The following SUPT7L variants were observed in gnomAD, a reference collection of about 807,000 sequenced individuals.
SUPT7L encodes the protein SPT7 like, STAGA complex subunit gamma.
A neutral mutation model predicts 35.7 loss-of-function variants in SUPT7L; 15 were observed. The ratio of observed to expected loss-of-function variants is 0.42; its 90% CI spans 0.28 to 0.65. SUPT7L has a LOEUF of 0.65. Ranked by LOEUF, SUPT7L falls within the 30% of genes least tolerant of loss-of-function variation. The pLI, the probability that SUPT7L is intolerant of heterozygous loss-of-function variation, is 0.23. For missense variants in SUPT7L, 434 were observed against 522.2 expected (o/e 0.83, Z 1.65); for synonymous variants, 168 against 186.2 (o/e 0.90, Z 0.79).
Position 27,660,994 on chromosome 2 carries a change from C to A in SUPT7L, c.409G>T (p.Asp137Tyr). 3 of 1,612,734 alleles carry A rather than the reference C, an allele frequency of 1.9e-6. No individual in the cohort carries two copies. The highest frequency in any genetic ancestry group is 2.2e-5 in the South Asian group (2 of 90,984). ...AAAGCCTTGCCTTACCGATAAAAGTCACTCTCTGGGTCACTGTGCCGGATC... is the reference window on the plus strand; with the variant it reads ...AAAGCCTTGCCTTACCGATAAAAGTAACTCTCTGGGTCACTGTGCCGGATC... ...FQIRHSDPES[D>Y]FYRGKGEPVT... Residue 137 changes from aspartate (D) to tyrosine (Y), a missense_variant, in exon 3 of 6, where the codon GAC becomes TAC. Physicochemically the swap from Asp to Tyr is radical, Grantham distance 160. Around this residue, in one of 3 missense-constraint regions of SUPT7L, gnomAD observed 198 missense variants for 190.8 expected, o/e 1.04. Coordinates refer to ENST00000337768, the MANE Select transcript of SUPT7L (RefSeq NM_014860.3).
At chr2:27,650,758 C>A (rs1178158840), downstream of SUPT7L, 1 of 152,716 alleles carries the variant, frequency 6.5e-6, no homozygotes, top group Non-Finnish European at 1.5e-5. Flanking sequence ...TATAGGACGT[C>A]AGGTTTGTTG....
In SUPT7L at chr2:27,653,565, C is replaced by G; in HGVS notation, c.1165G>C (p.Gly389Arg). The change falls in exon 6 of 6, where the codon GGT becomes CGT. Residue 389 changes from glycine (G) to arginine (R), a missense_variant. Physicochemically the swap from Gly to Arg is moderately radical, Grantham distance 125 (BLOSUM62 -2). Coordinates refer to ENST00000337768, the MANE Select transcript of SUPT7L (RefSeq NM_014860.3). The stretch of plus-strand genomic sequence containing the variant: ...ATGAGGCTGTCAGTGGAGTGGGAAC[C>G]ATAGCTGCTATCTGAGTCATCAGGG... Reference protein sequence around the residue: ...QSPDDSDSSYGSHSTDSLMGS... With the variant: ...QSPDDSDSSYRSHSTDSLMGS... The G allele has an allele frequency of 1.2e-6, 2 of 1,614,152 alleles. No homozygotes were observed. The highest frequency in any genetic ancestry group is 1.7e-6 in the Non-Finnish European group (2 of 1,180,036).
At chr2:27,644,179 A>G in the SUPT7L span, among the ~76,000 whole-genome samples, 1 of 152,164 alleles carries the variant, frequency 6.6e-6, no homozygotes, top group Non-Finnish European at 1.5e-5. Context: ...CCTCCATCTT[A>G]AAAACAACAA....
chr2:27,662,331 G>T (rs1320122498), intron 1 of SUPT7L, 50 bp from the exon 2 acceptor site: 2 of 971,718 alleles, frequency 2.1e-6, no homozygotes. Flanking sequence ...ATGAAACATG[G>T]TAAGTACTGT....
chr2:27,650,274 C>T, downstream of SUPT7L: 1 of 813,898 alleles, frequency 1.2e-6, no homozygotes, highest in East Asian at 2.5e-5. Context: ...CTGTTCTTAC[C>T]TCTGAACTGG....
chr2:27,657,506 TG>T lies in SUPT7L; in HGVS notation c.582del (p.Lys195SerfsTer21). 1 of 1,614,216 alleles carries T rather than the reference TG, an allele frequency of 6.2e-7. No individual in the cohort carries two copies. Among genetic ancestry groups the T allele is most frequent in the Non-Finnish European group, 8.5e-7 (1 of 1,180,032 alleles). On this transcript the variant is annotated frameshift_variant, in exon 4 of 6. Transcript: ENST00000337768. LOFTEE classifies it high-confidence loss of function. This position sits in a 1 kb window ranked among gnomAD's most constrained non-coding sequence, Gnocchi z 5.2. ...CGGTCCACAGCAAAACGCAGCAACT[TG>T]GTAAACTTAAGGCAATACTCATGTG... ...DVAHEYCLKF[T>X]KLLRFAVDRE... is the part of the protein sequence containing the mutation.
rs940727138 is a variant in SUPT7L, at chr2:27,657,735, C to T, written c.420-66G>A. On this transcript the variant is annotated intron_variant, in intron 3 of 5. Coordinates refer to ENST00000337768, the MANE Select transcript of SUPT7L (RefSeq NM_014860.3). The surrounding 1 kb of genome is among the most constrained non-coding windows in gnomAD (Gnocchi z 5.2). ...AAGGGGTGACCCCTCCTGTCTTCCCCAGGAGTTTTACAATTCCAGTCAAGC... is the reference window on the plus strand; with the variant it reads ...AAGGGGTGACCCCTCCTGTCTTCCCTAGGAGTTTTACAATTCCAGTCAAGC... 4 of 1,453,686 alleles carry T rather than the reference C, an allele frequency of 2.8e-6. No individual in the cohort carries two copies. In the African/African-American group the frequency reaches 5.7e-5, roughly 21 times the overall value. 90.0% of individuals were successfully genotyped at this position (1,453,686 alleles called of 1,614,324 possible). A position where few individuals can be genotyped will look rare whatever the true frequency, so the allele number is the denominator to read the frequency against.
downstream of SUPT7L, chr2:27,647,878 C>T (rs372179324): frequency 2.9e-5 from 47 of 1,613,570 alleles, no homozygotes; most frequent in African/African-American, 5.3e-5. Flanking sequence ...TTGATCCTGA[C>T]TCGAGGAACC....
chr2:27,661,170 T>C lies in SUPT7L; in HGVS notation c.233A>G (p.Asn78Ser). The change falls in exon 3 of 6, where the codon AAC (asparagine) becomes AGC (serine). Residue 78 changes from asparagine to serine, a missense_variant. Asn to Ser is a conservative substitution (Grantham distance 46). Transcript: ENST00000337768. The part of the protein sequence containing the change: ...QLIQHNRRLR[N>S]LIATAQAQNQ... The stretch of plus-strand genomic sequence containing the variant: ...CTGGGCCTGAGCTGTGGCAATAAGG[T>C]TGCGAAGACGTCGGTTGTGCTGAAT... 3.7e-6 allele frequency: 6 copies of C among 1,614,176 alleles called. No homozygotes were observed. Among genetic ancestry groups the C allele is most frequent in the South Asian group, 1.1e-5 (1 of 91,076 alleles).
chr2:27,653,023 A>T lies in SUPT7L; in HGVS notation c.*462T>A, dbSNP rs1299117475. ...AGGTATTAGTAATGGGTTCCCAATG[A>T]CCTGAGCCAAAAATGAATCAAGTTA... On this transcript the variant is annotated 3_prime_UTR_variant, in exon 6 of 6. Coordinates refer to ENST00000337768, the MANE Select transcript of SUPT7L (RefSeq NM_014860.3). The T allele has an allele frequency of 6.1e-6, 1 of 164,802 alleles. No individual in the cohort carries two copies. The highest frequency in any genetic ancestry group is 2.4e-5 in the African/African-American group (1 of 41,568). 10.2% of individuals were successfully genotyped at this position (164,802 alleles called of 1,614,324 possible).
Position 27,662,266 on chromosome 2 carries a change from A to G in SUPT7L, c.-74T>C. The G allele has an allele frequency of 6.7e-7, 1 of 1,501,108 alleles. No homozygotes were observed. The highest frequency in any genetic ancestry group is 9.3e-7 in the Non-Finnish European group (1 of 1,077,276). The allele number at this position is 1,501,108 out of a possible 1,614,324, so 93.0% of individuals were successfully genotyped here. ...ATTCTGTGTCGGTCAAAGACTGATA[A>G]TGTGAGATCCTTGCCCTGAAGTGAG... On this transcript the variant is annotated 5_prime_UTR_variant, in exon 2 of 6. Transcript: ENST00000337768.
chr2:27,647,988 A>T, downstream of SUPT7L: 1 of 1,043,654 alleles, frequency 9.6e-7, no homozygotes, highest in Non-Finnish European at 1.5e-6. Context: ...GCATCTGCTT[A>T]TCCTCACATT....
chr2:27,659,129 A>G (rs1674935746), intron 3 of SUPT7L, among the ~76,000 whole-genome samples: 1 of 152,176 alleles, frequency 6.6e-6, no homozygotes. Context: ...AAGTTTTTTG[A>G]GTTGGGCGTG....
At chr2:27,655,747 G>A (rs2148112745) in intron 4 of SUPT7L, 145 bp from the exon 5 acceptor site, 3 of 754,182 alleles carry the variant, frequency 4.0e-6, no homozygotes, top group Non-Finnish European at 6.4e-6. Context: ...TTTGTTTAAG[G>A]TGCTGAGTTT....
rs1009785534 is a variant in SUPT7L, at chr2:27,653,616, T to C, written c.1114A>G (p.Met372Val). 68 of 1,614,092 alleles carry C rather than the reference T, an allele frequency of 4.2e-5. No homozygotes were observed. Among genetic ancestry groups the C allele is most frequent in the Non-Finnish European group, 5.3e-5 (62 of 1,180,056 alleles). Reference sequence around the variant, plus strand: ...CTCTGAGGAATCCCAGCTTCACTCATGCCTGACATAGGCTCCTCGAAGACA... The same window carrying C: ...CTCTGAGGAATCCCAGCTTCACTCACGCCTGACATAGGCTCCTCGAAGACA... ...SDVFEEPMSG[M>V]SEAGIPQSPD... Residue 372 changes from methionine (M) to valine (V), a missense_variant, in exon 6 of 6, where the codon ATG becomes GTG. Coordinates refer to ENST00000337768, the MANE Select transcript of SUPT7L (RefSeq NM_014860.3).
intron 4 of SUPT7L, 114 bp from the exon 5 acceptor site, chr2:27,655,716 A>G: frequency 1.1e-6 from 1 of 884,014 alleles, no homozygotes; most frequent in South Asian, 1.7e-5. Flanking sequence ...ATTTTAAAAC[A>G]TTCACTGCCA....
chr2:27,643,336 A>G, the SUPT7L span, among the ~76,000 whole-genome samples: 9 of 151,846 alleles, frequency 5.9e-5, no homozygotes, highest in African/African-American at 2.2e-4. The surrounding 1 kb of genome is among the most constrained non-coding windows in gnomAD (Gnocchi z 4.0). Context: ...TTATCTATAT[A>G]TGACTTTATA....
chr2:27,651,508 AG>A lies in SUPT7L; in HGVS notation c.*1976del, dbSNP rs1228177756. On this transcript the variant is annotated 3_prime_UTR_variant, in exon 6 of 6. Coordinates refer to ENST00000337768, the MANE Select transcript of SUPT7L (RefSeq NM_014860.3). Reference sequence around the variant, plus strand: ...CAGCAATAAAAGTGTTTTATTATAAAGTATTAATTTTAATGTTCTATACTTA... The same window carrying A: ...CAGCAATAAAAGTGTTTTATTATAAATATTAATTTTAATGTTCTATACTTA... 1.3e-5 allele frequency: 2 copies of A among 152,334 alleles called. No homozygotes were observed. The highest frequency in any genetic ancestry group is 2.9e-5 in the Non-Finnish European group (2 of 68,050). The allele number at this position is 152,334 out of a possible 1,614,324, so 9.4% of individuals were successfully genotyped here. A position where few individuals can be genotyped will look rare whatever the true frequency, so the allele number is the denominator to read the frequency against.
downstream of SUPT7L, among the ~76,000 whole-genome samples, chr2:27,649,558 C>T (rs990740775): frequency 2.6e-5 from 4 of 152,180 alleles, no homozygotes; most frequent in African/African-American, 9.7e-5. Flanking sequence ...CACCTAGTGC[C>T]TGGCAACCAC....
Sources: gnomAD v4.1 joint callset for allele counts (sites outside exome capture counted in the v4.1 genomes callset) on GRCh38, gnomAD v4.1.1 for gene constraint, gnomAD v4.1.1 regional missense constraint, Gnocchi (gnomAD v3.1) non-coding constraint, MANE v1.5 for transcripts, NCBI Gene and HGNC (gene_info 2026-07-23, HGNC 2026-07-21) for gene names.